The following BPHL variants were observed in gnomAD, a reference collection of about 807,000 sequenced individuals.
The protein encoded by BPHL is serine hydrolase BPHL.
A neutral mutation model predicts 31.2 loss-of-function variants in BPHL; 27 were observed. The ratio of observed to expected loss-of-function variants is 0.87; its 90% CI spans 0.64 to 1.19. The LOEUF is 1.19. Ranked by LOEUF, BPHL falls within the 50% of genes most tolerant of loss-of-function variation. The probability of loss-of-function intolerance (pLI) is 0.00; values close to 1 mark genes in which losing one functional copy is unlikely to be tolerated. For missense variants in BPHL, 356 were observed against 375.7 expected, an observed-to-expected ratio of 0.95 and a Z score of 0.43; for synonymous variants, 150 against 146.8, an observed-to-expected ratio of 1.02 and a Z score of -0.16.
chr6:3,129,200 T>C lies in BPHL; in HGVS notation c.532+2T>C, dbSNP rs1192617933. On this transcript the variant is annotated splice_donor_variant, in intron 4 of 6. Transcript: ENST00000380379. LOFTEE classifies it high-confidence loss of function. ...ACGAAGACAGCATGATATATGAGGGTAGGTTCTGCGAAGGGGAGATGCCGG... is the reference window on the plus strand; with the variant it reads ...ACGAAGACAGCATGATATATGAGGGCAGGTTCTGCGAAGGGGAGATGCCGG... 1 of 1,561,472 alleles carries C rather than the reference T, an allele frequency of 6.4e-7. No individual in the cohort carries two copies. Among genetic ancestry groups the C allele is most frequent in the South Asian group, 1.2e-5 (1 of 82,150 alleles).
At position 3,122,972 on chromosome 6, in the gene BPHL, G is replaced by A. The variant is rs773339959; in HGVS notation, c.108-685G>A. 2.4e-4 allele frequency among the ~76,000 whole-genome samples: 36 copies of A among 152,324 alleles called. 1 individual carries two copies. Among genetic ancestry groups the A allele is most frequent in the Middle Eastern group, 6.8e-3 (2 of 294 alleles). On this transcript the variant is annotated intron_variant, in intron 1 of 6. Coordinates refer to ENST00000380379, the MANE Select transcript of BPHL (RefSeq NM_004332.4). ...CTGAGTGCAGACGAGTGACTCCAGGGTCTCTGCCCCTGATGTCCACCCTCG... is the reference window on the plus strand; with the variant it reads ...CTGAGTGCAGACGAGTGACTCCAGGATCTCTGCCCCTGATGTCCACCCTCG...
At position 3,131,629 on chromosome 6, in the gene BPHL, C is replaced by T. The variant is rs3799212; in HGVS notation, c.532+2431C>T. Reference sequence around the variant, plus strand: ...AAATCCTTCACTAACCAGCAAAGTCCGTGCAGTTTGGCTGGCCCCTCCTGC... The same window carrying T: ...AAATCCTTCACTAACCAGCAAAGTCTGTGCAGTTTGGCTGGCCCCTCCTGC... On this transcript the variant is annotated intron_variant, in intron 4 of 6. Coordinates refer to ENST00000380379, the MANE Select transcript of BPHL (RefSeq NM_004332.4). Among the ~76,000 whole-genome samples the T allele has an allele frequency of 8.3e-3, 1,264 of 152,296 alleles. 31 individuals carry two copies. Among genetic ancestry groups the T allele is most frequent in the East Asian group, 0.072 (371 of 5,172 alleles).
chr6:3,134,549 G>A lies in BPHL; in HGVS notation c.533-2813G>A, dbSNP rs1282000026. Among the ~76,000 whole-genome samples the A allele has an allele frequency of 4.2e-5, 6 of 143,948 alleles. No homozygotes were observed. The East Asian group carries it at 1.2e-3, about 29-fold the overall frequency. The allele number at this position is 143,948 out of a possible 152,430, so 94.4% of individuals were successfully genotyped here. On this transcript the variant is annotated intron_variant, in intron 4 of 6. Transcript: ENST00000380379. ...TTGCTCAACATCAAACTATCCTTCT[G>A]CCTCAGCCTCCCAAGTAGCTGGCAC...
intron 3 of BPHL, among the ~76,000 whole-genome samples, chr6:3,128,399 A>G (rs977063272): frequency 2.0e-5 from 3 of 152,212 alleles, no homozygotes; most frequent in Admixed American, 1.3e-4. Context: ...TCCGGGCAGC[A>G]AATATCTTGG....
chr6:3,153,322 G>A lies in BPHL; in HGVS notation c.*747G>A, dbSNP rs1561805158. 6.0e-6 allele frequency: 1 copy of A among 167,454 alleles called. No homozygotes were observed. Among genetic ancestry groups the A allele is most frequent in the African/African-American group, 2.4e-5 (1 of 41,568 alleles). 10.4% of individuals were successfully genotyped at this position (167,454 alleles called of 1,614,324 possible). ...ATCTATCATATTCAAAGAGAAGTAG[G>A]GAGAGTCCGTGCCCGAGGTCCTCAA... is the stretch of plus-strand genomic sequence containing the variant. On this transcript the variant is annotated 3_prime_UTR_variant, in exon 7 of 7. Transcript: ENST00000380379.
At chr6:3,121,885 G>A (rs986598269) in intron 1 of BPHL, among the ~76,000 whole-genome samples, 1 of 152,098 alleles carries the variant, frequency 6.6e-6, no homozygotes, top group African/African-American at 2.4e-5. Context: ...TTTTACTTGA[G>A]ACTGGCAAAT....
chr6:3,125,007 G>A (rs1292999801), intron 2 of BPHL, among the ~76,000 whole-genome samples: 2 of 151,746 alleles, frequency 1.3e-5, no homozygotes, highest in African/African-American at 2.4e-5. Context: ...CATTATTTCG[G>A]TATTGCAGTC....
At chr6:3,120,644 G>A (rs1410442398) in intron 1 of BPHL, among the ~76,000 whole-genome samples, 5 of 152,186 alleles carry the variant, frequency 3.3e-5, no homozygotes, top group Non-Finnish European at 7.3e-5. Context: ...TTGTTTGTAA[G>A]TCTGCTGTTT....
At chr6:3,119,377 G>A in intron 1 of BPHL, 1 of 1,589,124 alleles carries the variant, frequency 6.3e-7, no homozygotes, top group Non-Finnish European at 8.6e-7. Context: ...GTACCTTAAT[G>A]TGCAAAAGAA....
chr6:3,137,428 A>C lies in BPHL; in HGVS notation c.599A>C (p.Asp200Ala), dbSNP rs1261155069. ...RKPLEALYGY[D>A]YFARTCEKWV... ...CCTCTAGAAGCCCTCTATGGGTATG[A>C]CTACTTTGCCAGAACCTGTGAAAAG... The change falls in exon 5 of 7, where the codon GAC becomes GCC. Residue 200 changes from aspartate (D) to alanine (A), a missense_variant. By Grantham distance (126) the Asp-to-Ala change is moderately radical. Transcript: ENST00000380379. 3.1e-6 allele frequency: 5 copies of C among 1,613,072 alleles called. No individual in the cohort carries two copies. Among genetic ancestry groups the C allele is most frequent in the East Asian group, 2.2e-5 (1 of 44,858 alleles).
chr6:3,152,600 T>C lies in BPHL; in HGVS notation c.*25T>C. On this transcript the variant is annotated 3_prime_UTR_variant, in exon 7 of 7. Transcript: ENST00000380379. ...AGAATGCACACTCCAGTCTTGGTGG[T>C]TCCTTCGTGTGGGGCTTGATCGTGT... is the stretch of plus-strand genomic sequence containing the variant. 6.3e-7 allele frequency: 1 copy of C among 1,599,244 alleles called. No homozygotes were observed. Among genetic ancestry groups the C allele is most frequent in the Non-Finnish European group, 8.5e-7 (1 of 1,169,822 alleles).
chr6:3,122,215 A>C (rs902995708), intron 1 of BPHL, among the ~76,000 whole-genome samples: 5 of 152,118 alleles, frequency 3.3e-5, no homozygotes, highest in African/African-American at 1.2e-4. Flanking sequence ...GGGAGGTGGA[A>C]CTTGCAGTGA....
chr6:3,126,571 A>G (rs1761717016), intron 2 of BPHL, among the ~76,000 whole-genome samples: 1 of 151,328 alleles, frequency 6.6e-6, no homozygotes, highest in Admixed American at 6.6e-5. Flanking sequence ...TCCGCCGGGA[A>G]AGGAAGCGCG....
At chr6:3,133,559 C>T (rs866716242) in intron 4 of BPHL, among the ~76,000 whole-genome samples, 1 of 152,184 alleles carries the variant, frequency 6.6e-6, no homozygotes, top group African/African-American at 2.4e-5. Context: ...CCCTCCCAAC[C>T]ACCAGTGTCC....
At chr6:3,139,005 A>G (rs770323080) in intron 5 of BPHL, 1 of 152,014 alleles carries the variant, frequency 6.6e-6, no homozygotes, top group Non-Finnish European at 1.5e-5. Flanking sequence ...GATGCTTGGT[A>G]TAGTGTAGGG....
At chr6:3,137,612 T>A in intron 5 of BPHL, 119 bp downstream of exon 5, 1 of 1,419,992 alleles carries the variant, frequency 7.0e-7, no homozygotes, top group Non-Finnish European at 9.7e-7. Context: ...CACGCTCATG[T>A]GTGAGCAGAA....
chr6:3,147,163 A>C (rs13214594), intron 6 of BPHL, among the ~76,000 whole-genome samples: 8,389 of 152,200 alleles, frequency 0.055, 263 homozygotes, highest in Middle Eastern at 0.14. Flanking sequence ...CAGGAGGCTG[A>C]GGTAGGAGAA....
rs527328446 is a variant in BPHL, at chr6:3,147,529, C to T, written c.789-4959C>T. ...GCTCCTGGCAGCCTCAACCTCCTTA[C>T]TTCAAAGGATGCTCCCGCCTCAGCC... On this transcript the variant is annotated intron_variant, in intron 6 of 6. Transcript: ENST00000380379. 2.8e-4 allele frequency among the ~76,000 whole-genome samples: 43 copies of T among 152,194 alleles called. No individual in the cohort carries two copies. The Middle Eastern group carries it at 0.01, about 36-fold the overall frequency.
chr6:3,151,129 C>G lies in BPHL; in HGVS notation c.789-1359C>G, dbSNP rs545720523. Among the ~76,000 whole-genome samples the G allele has an allele frequency of 1.2e-4, 18 of 152,266 alleles. No individual in the cohort carries two copies. In the East Asian group the frequency reaches 3.1e-3, roughly 26 times the overall value. On this transcript the variant is annotated intron_variant, in intron 6 of 6. Coordinates refer to ENST00000380379, the MANE Select transcript of BPHL (RefSeq NM_004332.4). ...TCACATGTGGCAGGCTGGGGATTCC[C>G]TGCCTCCCAGTCCAGCTTAGTGCAG...
Sources: allele counts gnomAD v4.1 joint callset (sites outside exome capture counted in the v4.1 genomes callset), GRCh38; gene constraint gnomAD v4.1.1; transcripts MANE v1.5; gene names NCBI Gene and HGNC (gene_info 2026-07-23, HGNC 2026-07-21).